Variants in NYAP2 observed in about 807,000 individuals in gnomAD.
NYAP2 encodes neuronal tyrosine-phosphorylated phosphoinositide-3-kinase adapter 2.
NYAP2 carries 23 observed loss-of-function variants against 50.4 expected under a neutral mutation model. The observed-to-expected ratio is 0.46, with a 90% CI of 0.33 to 0.65. The LOEUF is 0.65. Ranked by LOEUF, NYAP2 falls within the 30% of genes least tolerant of loss-of-function variation. The pLI, the probability that NYAP2 is intolerant of heterozygous loss-of-function variation, is 0.02. For missense variants in NYAP2, 885 were observed against 861.0 expected, an observed-to-expected ratio of 1.03 and a Z score of -0.35; for synonymous variants, 394 against 365.2, an observed-to-expected ratio of 1.08 and a Z score of -0.90.
chr2:225,614,090 A>T (rs1247958219), intron 5 of NYAP2, among the ~76,000 whole-genome samples: 1 of 152,192 alleles, frequency 6.6e-6, no homozygotes, highest in African/African-American at 2.4e-5. Flanking sequence ...AAGGCTCAGT[A>T]AGAGTTGTTT....
intron 3 of NYAP2, among the ~76,000 whole-genome samples, chr2:225,437,168 C>T (rs1290157193): frequency 6.6e-6 from 1 of 151,846 alleles, no homozygotes. Context: ...ACCAAGCAGC[C>T]ATCTTTTCTG....
At chr2:225,592,160 A>C (rs1195300648) in intron 5 of NYAP2, among the ~76,000 whole-genome samples, 1 of 152,204 alleles carries the variant, frequency 6.6e-6, no homozygotes, top group Non-Finnish European at 1.5e-5. Flanking sequence ...GCCTCTAAGC[A>C]TAACTTAAGG....
intron 4 of NYAP2, among the ~76,000 whole-genome samples, chr2:225,549,408 CT>C (rs1410872802): frequency 6.6e-6 from 1 of 152,042 alleles, no homozygotes; most frequent in Non-Finnish European, 1.5e-5. Context: ...CAGTTAAATG[CT>C]TTTTGAAAGC....
the NYAP2 span, among the ~76,000 whole-genome samples, chr2:225,661,098 C>T: frequency 1.3e-5 from 2 of 152,136 alleles, no homozygotes; most frequent in African/African-American, 4.8e-5. Context: ...AAAATTCCTT[C>T]TTGATTTCTT....
intron 5 of NYAP2, among the ~76,000 whole-genome samples, chr2:225,606,276 G>T (rs571604620): frequency 5.5e-4 from 84 of 152,216 alleles, no homozygotes; most frequent in African/African-American, 1.9e-3. Context: ...CCAGATCAAA[G>T]TGTCCAGAGG....
At chr2:225,447,154 A>G (rs1689576662) in intron 3 of NYAP2, among the ~76,000 whole-genome samples, 1 of 152,164 alleles carries the variant, frequency 6.6e-6, no homozygotes. Flanking sequence ...CAGGAGTCTA[A>G]TAAGACTGTG....
At chr2:225,465,130 C>T (rs993380179) in intron 3 of NYAP2, among the ~76,000 whole-genome samples, 10 of 151,998 alleles carry the variant, frequency 6.6e-5, no homozygotes, top group African/African-American at 1.2e-4. Flanking sequence ...CCTTAGGTTC[C>T]CCATAAAACC....
the NYAP2 span, among the ~76,000 whole-genome samples, chr2:225,672,941 C>T: frequency 6.6e-6 from 1 of 151,672 alleles, no homozygotes; most frequent in African/African-American, 2.4e-5. Context: ...AAGGCAATCA[C>T]AGATCACCAT....
exon 1 of NYAP2, chr2:225,400,044 C>G (rs1026163082): frequency 3.9e-5 from 6 of 151,974 alleles, no homozygotes; most frequent in South Asian, 2.1e-4. Flanking sequence ...AGATGTGAGG[C>G]CTTTAATGAG....
intron 3 of NYAP2, among the ~76,000 whole-genome samples, chr2:225,498,738 C>T (rs1423382580): frequency 2.6e-5 from 4 of 151,984 alleles, no homozygotes; most frequent in Non-Finnish European, 4.4e-5. Flanking sequence ...GAGGAAGAAT[C>T]GGTTGACAGT....
chr2:225,533,726 A>G (rs1691299868), intron 4 of NYAP2, among the ~76,000 whole-genome samples: 1 of 152,092 alleles, frequency 6.6e-6, no homozygotes. Context: ...TTCAAATTAG[A>G]GATATTCACT....
the NYAP2 span, chr2:225,698,297 C>A: frequency 6.6e-6 from 1 of 152,418 alleles, no homozygotes; most frequent in Non-Finnish European, 1.5e-5. Context: ...CTTCTGTATT[C>A]ACTCTTTCTT....
At chr2:225,503,543 A>G (rs1276359705) in intron 3 of NYAP2, among the ~76,000 whole-genome samples, 1 of 152,214 alleles carries the variant, frequency 6.6e-6, no homozygotes, top group East Asian at 1.9e-4. Context: ...GCCTCTTTAG[A>G]AACTCAGAAA....
chr2:225,548,054 T>A lies in NYAP2; in HGVS notation c.524-33887T>A, dbSNP rs78405439. On this transcript the variant is annotated intron_variant, in intron 4 of 6. Transcript: ENST00000636099. Reference sequence around the variant, plus strand: ...GTTAAGTCTACTAATTAGAGATACATTAGCTAATAATAGTTCATTCTTACA... The same window carrying A: ...GTTAAGTCTACTAATTAGAGATACAATAGCTAATAATAGTTCATTCTTACA... Among the ~76,000 whole-genome samples, 727 of 152,250 alleles carry A rather than the reference T, an allele frequency of 4.8e-3. 1 individual carries two copies. Among genetic ancestry groups the A allele is most frequent in the Non-Finnish European group, 8.1e-3 (554 of 68,022 alleles).
chr2:225,513,529 C>T (rs1690871621), exon 4 of NYAP2: 1 of 1,613,026 alleles, frequency 6.2e-7, no homozygotes, highest in African/African-American at 1.3e-5. Flanking sequence ...GTTGGGGGCA[C>T]AGACGATGAC....
intron 4 of NYAP2, among the ~76,000 whole-genome samples, chr2:225,552,407 G>A (rs759484794): frequency 2.0e-5 from 3 of 152,180 alleles, no homozygotes; most frequent in Admixed American, 6.5e-5. Flanking sequence ...TGGACTGACT[G>A]TTTATGTACC....
At chr2:225,527,950 T>C (rs1025655877) in intron 4 of NYAP2, among the ~76,000 whole-genome samples, 2 of 152,182 alleles carry the variant, frequency 1.3e-5, no homozygotes, top group African/African-American at 4.8e-5. Context: ...CTGGGCCTAA[T>C]CTCCTTTCTT....
At chr2:225,561,378 G>A (rs1691869988) in intron 4 of NYAP2, among the ~76,000 whole-genome samples, 1 of 152,116 alleles carries the variant, frequency 6.6e-6, no homozygotes, top group South Asian at 2.1e-4. Flanking sequence ...GGAAGCCAGA[G>A]GTGGCTGGAA....
chr2:225,551,329 G>A (rs563703215), intron 4 of NYAP2, among the ~76,000 whole-genome samples: 2 of 152,314 alleles, frequency 1.3e-5, no homozygotes, highest in African/African-American at 4.8e-5. Context: ...CCTTGGAAAT[G>A]TTTGCTCTTG....
Sources: allele counts gnomAD v4.1 joint callset (sites outside exome capture counted in the v4.1 genomes callset), GRCh38; gene constraint gnomAD v4.1.1; transcripts MANE v1.5; gene names NCBI Gene and HGNC (gene_info 2026-07-23, HGNC 2026-07-21).